The following PTRH2 variants were observed in gnomAD, a reference collection of about 807,000 sequenced individuals.
PTRH2 encodes peptidyl-tRNA hydrolase 2, mitochondrial.
PTRH2 carries 10 observed loss-of-function variants against 12.3 expected under a neutral mutation model. The ratio of observed to expected loss-of-function variants is 0.81; its 90% CI spans 0.50 to 1.38. PTRH2 has a LOEUF of 1.38. Ranked by LOEUF, PTRH2 falls within the 40% of genes most tolerant of loss-of-function variation. The probability of loss-of-function intolerance (pLI) is 0.00; values close to 1 mark genes in which losing one functional copy is unlikely to be tolerated. For synonymous variants in PTRH2, 73 were observed against 77.4 expected, an observed-to-expected ratio of 0.94 and a Z score of 0.30; for missense variants, 176 against 214.1, an observed-to-expected ratio of 0.82 and a Z score of 1.11.
chr17:59,706,021 G>A (rs2033646108), intron 1 of PTRH2, among the ~76,000 whole-genome samples: 1 of 151,834 alleles, frequency 6.6e-6, no homozygotes, highest in African/African-American at 2.4e-5. Context: ...TCATAAAAAT[G>A]CTAAAATTAA....
intron 1 of PTRH2, 150 bp downstream of exon 1, chr17:59,707,221 G>A (rs1024636902): frequency 2.0e-5 from 3 of 152,318 alleles, no homozygotes; most frequent in Non-Finnish European, 4.4e-5. Flanking sequence ...AGGAACAGAG[G>A]GCTCAGCGGC....
chr17:59,698,005 C>G (rs2033478888), intron 1 of PTRH2, 27 bp from the exon 2 acceptor site: 3 of 1,594,818 alleles, frequency 1.9e-6, no homozygotes, highest in African/African-American at 1.3e-5. Flanking sequence ...ACAGTTATCA[C>G]TATCCGGCAG....
chr17:59,697,425 A>T lies in PTRH2; in HGVS notation c.*14T>A, dbSNP rs763069369. The T allele has an allele frequency of 1.3e-6, 2 of 1,593,548 alleles. No homozygotes were observed. Among genetic ancestry groups the T allele is most frequent in the Non-Finnish European group, 1.7e-6 (2 of 1,166,456 alleles). On this transcript the variant is annotated 3_prime_UTR_variant, in exon 2 of 2. Transcript: ENST00000393038. ...CACTTGTGATGGAGGGGTTGTTGTC[A>T]TATCAAAGTCCACCTAGTAAAGTTT...
At position 59,697,343 on chromosome 17, in the gene PTRH2, C is replaced by A; in HGVS notation, c.*96G>T. On this transcript the variant is annotated 3_prime_UTR_variant, in exon 2 of 2. Coordinates refer to ENST00000393038, the MANE Select transcript of PTRH2 (RefSeq NM_016077.5). ...ATAGGTTTTATTTTCATCTCAAGAA[C>A]ATTTAAGTTGGGTGAAGAAATTCAG... 1 of 1,372,622 alleles carries A rather than the reference C, an allele frequency of 7.3e-7. No homozygotes were observed. The highest frequency in any genetic ancestry group is 9.9e-7 in the Non-Finnish European group (1 of 1,007,014). 85.0% of individuals were successfully genotyped at this position (1,372,622 alleles called of 1,614,324 possible).
chr17:59,699,493 A>C (rs2033517023), intron 1 of PTRH2: 1 of 153,498 alleles, frequency 6.5e-6, no homozygotes, highest in Admixed American at 6.5e-5. Flanking sequence ...CTTGCTTTAA[A>C]CATTTGTGTA....
At chr17:59,699,784 C>T (rs1405727580) in intron 1 of PTRH2, 1 of 153,026 alleles carries the variant, frequency 6.5e-6, no homozygotes, top group Non-Finnish European at 1.5e-5. Flanking sequence ...ATGGCCATTA[C>T]TGGCTTGCCA....
At chr17:59,704,711 G>A in intron 1 of PTRH2, among the ~76,000 whole-genome samples, 1 of 152,164 alleles carries the variant, frequency 6.6e-6, no homozygotes, top group East Asian at 1.9e-4. Flanking sequence ...TAAATACGGT[G>A]ACAGGGCTGC....
At chr17:59,703,277 A>G (rs2033586262) in intron 1 of PTRH2, among the ~76,000 whole-genome samples, 2 of 151,668 alleles carry the variant, frequency 1.3e-5, no homozygotes, top group South Asian at 4.2e-4. Context: ...CTCCCACCTC[A>G]GCCTCCCATG....
chr17:59,698,576 AAC>A (rs2033494478), intron 1 of PTRH2: 1 of 312,144 alleles, frequency 3.2e-6, no homozygotes, highest in Non-Finnish European at 5.9e-6. Context: ...TTTACTTAAG[AAC>A]ACAAAATATT....
chr17:59,704,329 T>C (rs966527880), intron 1 of PTRH2, among the ~76,000 whole-genome samples: 5 of 152,122 alleles, frequency 3.3e-5, no homozygotes, highest in Non-Finnish European at 5.9e-5. Context: ...AATACCAGGT[T>C]TGAATGGAAA....
intron 1 of PTRH2, chr17:59,700,003 C>T (rs1167731265): frequency 6.6e-6 from 1 of 152,292 alleles, no homozygotes; most frequent in African/African-American, 2.4e-5. Context: ...TGACTGGGAG[C>T]TGTGGCTCGC....
intron 1 of PTRH2, among the ~76,000 whole-genome samples, chr17:59,702,345 A>G (rs963680989): frequency 3.3e-5 from 5 of 152,206 alleles, no homozygotes. Flanking sequence ...AGATTCTCAT[A>G]AGAAGTACAC....
In PTRH2 at chr17:59,697,944, G is replaced by A; in HGVS notation, c.35C>T (p.Ala12Val). 1 of 1,613,626 alleles carries A rather than the reference G, an allele frequency of 6.2e-7. No individual in the cohort carries two copies. Among genetic ancestry groups the A allele is most frequent in the Non-Finnish European group, 8.5e-7 (1 of 1,179,996 alleles). The part of the protein sequence containing the change: ...PSKSLVMEYL[A>V]HPSTLGLAVG... ...AGCCAAGCCGAGTGTACTGGGATGA[G>A]CCAAATATTCCATAACCAAGGATTT... The change falls in exon 2 of 2, where the codon GCT (alanine) becomes GTT (valine). Residue 12 changes from alanine to valine, a missense_variant. Ala to Val is a moderately conservative substitution (Grantham distance 64, BLOSUM62 0). Transcript: ENST00000393038.
chr17:59,698,620 C>A, intron 1 of PTRH2: 1 of 464,542 alleles, frequency 2.2e-6, no homozygotes, highest in Non-Finnish European at 3.8e-6. Context: ...ACAGGTGCTC[C>A]TCAATTTTCC....
In PTRH2 at chr17:59,697,975, G is replaced by T. The variant is rs1306175181; in HGVS notation, c.4C>A (p.Pro2Thr). 1 of 1,610,182 alleles carries T rather than the reference G, an allele frequency of 6.2e-7. No individual in the cohort carries two copies. The highest frequency in any genetic ancestry group is 2.2e-5 in the East Asian group (1 of 44,852). Residue 2 changes from proline (P) to threonine (T), a missense_variant, in exon 2 of 2, where the codon CCC (proline) becomes ACC (threonine). By Grantham distance (38) the Pro-to-Thr change is conservative. Transcript: ENST00000393038. The stretch of plus-strand genomic sequence containing the variant: ...TATTCCATAACCAAGGATTTGGAGG[G>T]CATCTTAAAGGAAAGGAAAACAGTT... MPSKSLVMEYLA... is the reference protein window; with the variant it reads MTSKSLVMEYLA...
At chr17:59,704,976 C>T (rs1454207577) in intron 1 of PTRH2, among the ~76,000 whole-genome samples, 9 of 151,960 alleles carry the variant, frequency 5.9e-5, no homozygotes, top group Admixed American at 3.9e-4. Context: ...TTAGTAGAGA[C>T]GGGGTTTCAC....
At chr17:59,706,350 T>A (rs1286559135) in intron 1 of PTRH2, among the ~76,000 whole-genome samples, 1 of 152,140 alleles carries the variant, frequency 6.6e-6, no homozygotes. Context: ...CTCCACCCGT[T>A]AATCTTTTTT....
In PTRH2 at chr17:59,697,624, T is replaced by C. The variant is rs566455259; in HGVS notation, c.355A>G (p.Lys119Glu). 6.2e-7 allele frequency: 1 copy of C among 1,614,236 alleles called. No individual in the cohort carries two copies. The highest frequency in any genetic ancestry group is 2.2e-5 in the East Asian group (1 of 44,892). Reference sequence around the variant, plus strand: ...ATCAGGGTTTCTTCATCAGGAGCTTTGACCACCACCTTGGGCTGGCCACAG... The same window carrying C: ...ATCAGGGTTTCTTCATCAGGAGCTTCGACCACCACCTTGGGCTGGCCACAG... ...EYCGQPKVVV[K>E]APDEETLIAL... Residue 119 changes from lysine (K) to glutamate (E), a missense_variant, in exon 2 of 2, where the codon AAA becomes GAA. Transcript: ENST00000393038.
At chr17:59,702,690 AT>A (rs951714626) in intron 1 of PTRH2, among the ~76,000 whole-genome samples, 1 of 152,214 alleles carries the variant, frequency 6.6e-6, no homozygotes, top group Non-Finnish European at 1.5e-5. Context: ...CTCTATAGGA[AT>A]TGTCTTCTTT....
Sources: gnomAD v4.1 joint callset for allele counts (sites outside exome capture counted in the v4.1 genomes callset) on GRCh38, gnomAD v4.1.1 for gene constraint, MANE v1.5 for transcripts, NCBI Gene and HGNC (gene_info 2026-07-23, HGNC 2026-07-21) for gene names.